The following GSK3B variants were observed in gnomAD, a reference collection of about 807,000 sequenced individuals.
GSK3B encodes glycogen synthase kinase 3 beta.
In GSK3B, 15 loss-of-function variants were observed where a neutral mutation model predicts 56.4. That is an observed-to-expected ratio of 0.27 (90% CI 0.18 to 0.41). GSK3B has a LOEUF of 0.41. GSK3B is among the 10% of genes least tolerant of loss of function. The probability of loss-of-function intolerance (pLI) is 1.00; values close to 1 mark genes in which losing one functional copy is unlikely to be tolerated. For missense variants in GSK3B, 300 were observed against 513.4 expected, an observed-to-expected ratio of 0.58 and a Z score of 4.02; for synonymous variants, 181 against 188.9, an observed-to-expected ratio of 0.96 and a Z score of 0.34.
chr3:120,083,025 C>G (rs2058434273), intron 1 of GSK3B, among the ~76,000 whole-genome samples: 1 of 152,044 alleles, frequency 6.6e-6, no homozygotes, highest in Non-Finnish European at 1.5e-5. Flanking sequence ...GCATGGTAAT[C>G]ACTTAATAAA....
intron 1 of GSK3B, among the ~76,000 whole-genome samples, chr3:120,018,815 AG>A: frequency 6.6e-6 from 1 of 152,210 alleles, no homozygotes; most frequent in Non-Finnish European, 1.5e-5. Flanking sequence ...ACGAGTAAAA[AG>A]AGAGCCAGAA....
chr3:120,072,843 G>C (rs1458599616), intron 1 of GSK3B, among the ~76,000 whole-genome samples: 1 of 152,192 alleles, frequency 6.6e-6, no homozygotes, highest in Non-Finnish European at 1.5e-5. Flanking sequence ...GGCAGGTGAA[G>C]TGTTAACACT....
At chr3:119,905,711 C>A (rs199879593) in intron 7 of GSK3B, 44 bp downstream of exon 7, 2 of 1,095,180 alleles carry the variant, frequency 1.8e-6, no homozygotes, top group South Asian at 2.5e-5. Flanking sequence ...TAAAGTAGCA[C>A]AAAAATTCCT....
At chr3:119,925,718 C>A (rs2107468312) in intron 3 of GSK3B, among the ~76,000 whole-genome samples, 1 of 151,716 alleles carries the variant, frequency 6.6e-6, no homozygotes, top group Non-Finnish European at 1.5e-5. Flanking sequence ...AAAAAAAAAA[C>A]TATCTCTAAC....
At chr3:120,028,056 G>C (rs1049775685) in intron 1 of GSK3B, among the ~76,000 whole-genome samples, 2 of 152,140 alleles carry the variant, frequency 1.3e-5, no homozygotes, top group Admixed American at 1.3e-4. Flanking sequence ...AATCAGCAAA[G>C]AGATGAATTG....
In GSK3B at chr3:119,890,394, T is replaced by C. The variant is rs546477117; in HGVS notation, c.814-13886A>G. Among the ~76,000 whole-genome samples, 23 of 152,184 alleles carry C rather than the reference T, an allele frequency of 1.5e-4. 1 individual carries two copies. The highest frequency in any genetic ancestry group is 4.6e-4 in the African/African-American group (19 of 41,532). On this transcript the variant is annotated intron_variant, in intron 7 of 10. Transcript: ENST00000264235. ...AAAAAAGCCAGATACAAAAGAAATA[T>C]ATGATTTCGTTTATGAAATTCTAGA...
chr3:119,895,393 A>G (rs2056551041), intron 7 of GSK3B, among the ~76,000 whole-genome samples: 1 of 151,698 alleles, frequency 6.6e-6, no homozygotes, highest in Non-Finnish European at 1.5e-5. Flanking sequence ...GAGAGTACAG[A>G]TATCTCTTTG....
intron 1 of GSK3B, among the ~76,000 whole-genome samples, chr3:120,025,811 A>G (rs554215575): frequency 6.6e-6 from 1 of 152,332 alleles, no homozygotes; most frequent in Non-Finnish European, 1.5e-5. Flanking sequence ...TGTTTGTAGA[A>G]AAACCAACAC....
At chr3:119,990,532 T>C (rs1475141828) in intron 2 of GSK3B, among the ~76,000 whole-genome samples, 1 of 152,226 alleles carries the variant, frequency 6.6e-6, no homozygotes, top group East Asian at 1.9e-4. Context: ...AATCTTCCTC[T>C]GGCACTGTCT....
chr3:120,035,955 C>T (rs528887496), intron 1 of GSK3B, among the ~76,000 whole-genome samples: 1 of 152,244 alleles, frequency 6.6e-6, no homozygotes, highest in East Asian at 1.9e-4. Context: ...CACTCTGATG[C>T]CTTTTACTTC....
At chr3:119,883,998 C>T (rs1041845108) in intron 7 of GSK3B, among the ~76,000 whole-genome samples, 3 of 152,240 alleles carry the variant, frequency 2.0e-5, no homozygotes, top group East Asian at 1.9e-4. Flanking sequence ...GCTAAAAGAA[C>T]TGCTTTGGTA....
chr3:119,943,008 G>T (rs1006016181), intron 3 of GSK3B, among the ~76,000 whole-genome samples: 1 of 152,088 alleles, frequency 6.6e-6, no homozygotes, highest in Non-Finnish European at 1.5e-5. Context: ...GAAAACTAAG[G>T]CTAATTAGTA....
rs1019719871 is a variant in GSK3B at position 120,002,245 on chromosome 3, G to C, written c.89-6C>G. ...CTTGCTGCCGTCCTTGTCTCCTAAA[G>C]GAAGAAAGGAAATTTTTTTTTCACG... On this transcript the variant is annotated splice_polypyrimidine_tract_variant and splice_region_variant and intron_variant, in intron 1 of 10. Coordinates refer to ENST00000264235, the MANE Select transcript of GSK3B (RefSeq NM_001146156.2). The C allele has an allele frequency of 1.3e-6, 2 of 1,501,474 alleles. No homozygotes were observed. Among genetic ancestry groups the C allele is most frequent in the African/African-American group, 1.4e-5 (1 of 69,618 alleles). The allele number at this position is 1,501,474 out of a possible 1,614,324, so 93.0% of individuals were successfully genotyped here. A position where few individuals can be genotyped will look rare whatever the true frequency, so the allele number is the denominator to read the frequency against.
chr3:119,836,802 C>T (rs544206085), intron 10 of GSK3B, among the ~76,000 whole-genome samples: 2 of 152,278 alleles, frequency 1.3e-5, no homozygotes, highest in South Asian at 4.1e-4. Context: ...AAACCCAGCC[C>T]AGTTCCAATG....
intron 1 of GSK3B, among the ~76,000 whole-genome samples, chr3:120,009,065 C>A (rs1034540799): frequency 5.9e-5 from 9 of 152,050 alleles, no homozygotes; most frequent in Non-Finnish European, 7.4e-5. Flanking sequence ...TTTATGCAGC[C>A]AACAGACATA....
At chr3:120,066,529 T>C (rs2058279740) in intron 1 of GSK3B, among the ~76,000 whole-genome samples, 1 of 152,224 alleles carries the variant, frequency 6.6e-6, no homozygotes, top group South Asian at 2.1e-4. Context: ...TCACTGTTTC[T>C]GTCAAATGCT....
intron 2 of GSK3B, among the ~76,000 whole-genome samples, chr3:119,956,916 T>C (rs2057219844): frequency 6.6e-6 from 1 of 152,212 alleles, no homozygotes; most frequent in African/African-American, 2.4e-5. Context: ...AACTCTGTAG[T>C]TGTAGGGGAA....
chr3:119,832,130 T>C (rs2055611632), intron 10 of GSK3B, among the ~76,000 whole-genome samples: 1 of 152,274 alleles, frequency 6.6e-6, no homozygotes, highest in Non-Finnish European at 1.5e-5. Flanking sequence ...CTGTGGCTTC[T>C]GCATTGCCTT....
At chr3:119,897,387 C>T (rs1035857510) in intron 7 of GSK3B, among the ~76,000 whole-genome samples, 7 of 151,896 alleles carry the variant, frequency 4.6e-5, no homozygotes, top group African/African-American at 1.7e-4. Context: ...TTTAATGCCT[C>T]CGTTTTTCTT....
Sources: gnomAD v4.1 joint callset for allele counts (sites outside exome capture counted in the v4.1 genomes callset) on GRCh38, gnomAD v4.1.1 for gene constraint, MANE v1.5 for transcripts, NCBI Gene and HGNC (gene_info 2026-07-23, HGNC 2026-07-21) for gene names.